The following HIVEP2 variants were observed in gnomAD, a reference collection of about 807,000 sequenced individuals.
HIVEP2 encodes the protein transcription factor HIVEP2.
HIVEP2 carries 14 observed loss-of-function variants against 180.7 expected under a neutral mutation model. The ratio of observed to expected loss-of-function variants is 0.08; its 90% CI spans 0.05 to 0.12. The LOEUF (loss-of-function observed/expected upper bound fraction) is 0.12, where lower values mean the gene tolerates loss of function less well. HIVEP2 is among the 10% of genes least tolerant of loss of function. The pLI is 1.00. For missense variants in HIVEP2, 2,579 were observed against 3,008.5 expected, an observed-to-expected ratio of 0.86 and a Z score of 3.34; for synonymous variants, 1,184 against 1,136.4, an observed-to-expected ratio of 1.04 and a Z score of -0.84.
chr6:142,752,006 C>T lies in HIVEP2; in HGVS notation c.*1101G>A, dbSNP rs1338872610. 1.3e-5 allele frequency: 2 copies of T among 152,690 alleles called. No homozygotes were observed. The highest frequency in any genetic ancestry group is 4.8e-5 in the African/African-American group (2 of 41,440). The allele number at this position is 152,690 out of a possible 1,614,324, so 9.5% of individuals were successfully genotyped here. On this transcript the variant is annotated 3_prime_UTR_variant, in exon 10 of 10. Coordinates refer to ENST00000367603, the MANE Select transcript of HIVEP2 (RefSeq NM_006734.4). The stretch of plus-strand genomic sequence containing the variant: ...TGTGTAGCAAGAACTAAGGAGATTG[C>T]TAAGCCCAGGTCTTCTCCATGAGCA...
chr6:142,753,974 A>G, intron 9 of HIVEP2, 43 bp from the exon 10 acceptor site: 1 of 1,048,490 alleles, frequency 9.5e-7, no homozygotes, highest in East Asian at 2.4e-5. Flanking sequence ...AGAGCCTGCT[A>G]CGCTTCATTC....
intron 1 of HIVEP2, among the ~76,000 whole-genome samples, chr6:142,928,353 A>C (rs1414550335): frequency 6.6e-6 from 1 of 152,242 alleles, no homozygotes; most frequent in Admixed American, 6.5e-5. Flanking sequence ...ATTAATCTTA[A>C]GAATTGGCAC....
intron 2 of HIVEP2, among the ~76,000 whole-genome samples, chr6:142,815,939 C>A (rs1207529247): frequency 6.6e-6 from 1 of 152,168 alleles, no homozygotes; most frequent in African/African-American, 2.4e-5. Flanking sequence ...TGATAACATA[C>A]CAAGTTCTTG....
At chr6:142,835,872 C>T (rs1267299588) in intron 2 of HIVEP2, among the ~76,000 whole-genome samples, 1 of 152,138 alleles carries the variant, frequency 6.6e-6, no homozygotes, top group Admixed American at 6.5e-5. Context: ...GTTGGCACTA[C>T]ATAAACTACA....
intron 2 of HIVEP2, among the ~76,000 whole-genome samples, chr6:142,820,667 T>C (rs1325297662): frequency 1.3e-5 from 2 of 151,974 alleles, no homozygotes; most frequent in Non-Finnish European, 2.9e-5. Flanking sequence ...CTTTTTCTAT[T>C]TTTTTTTCAC....
chr6:142,755,524 G>A (rs961373455), intron 9 of HIVEP2, among the ~76,000 whole-genome samples: 3 of 152,106 alleles, frequency 2.0e-5, no homozygotes, highest in African/African-American at 7.2e-5. Flanking sequence ...TTATTTTTCT[G>A]TTTTACTTCT....
At chr6:142,935,196 A>G (rs907023473) in intron 1 of HIVEP2, among the ~76,000 whole-genome samples, 4 of 152,362 alleles carry the variant, frequency 2.6e-5, no homozygotes, top group Middle Eastern at 6.8e-3. Flanking sequence ...GGATGGACAC[A>G]TGGAGGCACT....
At chr6:142,787,126 C>T (rs1278172568) in intron 2 of HIVEP2, among the ~76,000 whole-genome samples, 1 of 151,900 alleles carries the variant, frequency 6.6e-6, no homozygotes, top group Non-Finnish European at 1.5e-5. Context: ...TGTGGTGGTG[C>T]ACATCTGTAG....
intron 1 of HIVEP2, among the ~76,000 whole-genome samples, chr6:142,863,432 A>C (rs963564912): frequency 6.6e-5 from 10 of 152,196 alleles, no homozygotes; most frequent in African/African-American, 2.4e-4. Context: ...AACTTCTTTA[A>C]ATTACTAATG....
At chr6:142,938,300 T>C (rs975638549) in intron 1 of HIVEP2, among the ~76,000 whole-genome samples, 1 of 152,222 alleles carries the variant, frequency 6.6e-6, no homozygotes, top group Non-Finnish European at 1.5e-5. Flanking sequence ...TTAAGCAGTA[T>C]AAAATAACCT....
At chr6:142,902,923 A>G (rs952929799) in intron 1 of HIVEP2, among the ~76,000 whole-genome samples, 1 of 152,216 alleles carries the variant, frequency 6.6e-6, no homozygotes, top group Non-Finnish European at 1.5e-5. Context: ...AACATTTGTG[A>G]TGAAACAGGA....
At position 142,879,086 on chromosome 6, in the gene HIVEP2, G is replaced by A. The variant is rs969470084; in HGVS notation, c.-640-42039C>T. 2.0e-5 allele frequency among the ~76,000 whole-genome samples: 3 copies of A among 152,110 alleles called. No homozygotes were observed. In the East Asian group the frequency reaches 5.8e-4, roughly 29 times the overall value. On this transcript the variant is annotated intron_variant, in intron 1 of 9. Transcript: ENST00000367603. ...GAATTCAATGAGATTATGTGTGTAA[G>A]AGTCATTGGTAAATTACGAAAGCCG... is the stretch of plus-strand genomic sequence containing the variant.
chr6:142,759,998 C>A lies in HIVEP2; in HGVS notation c.6290G>T (p.Arg2097Ile). The A allele has an allele frequency of 6.2e-7, 1 of 1,614,042 alleles. No homozygotes were observed. The highest frequency in any genetic ancestry group is 8.5e-7 in the Non-Finnish European group (1 of 1,179,970). Reference protein sequence around the residue: ...HLSPRKEAALRREMSQRDVSP... With the variant: ...HLSPRKEAALIREMSQRDVSP... ...AACATCTCTTTGGGACATCTCTCTT[C>A]TCAATGCAGCTTCCTTTCTTGGTGA... is the stretch of plus-strand genomic sequence containing the variant. Residue 2097 changes from arginine (R) to isoleucine (I), a missense_variant, in exon 9 of 10, where the codon AGA becomes ATA. By Grantham distance (97) the Arg-to-Ile change is moderately conservative (BLOSUM62 -3). Coordinates refer to ENST00000367603, the MANE Select transcript of HIVEP2 (RefSeq NM_006734.4).
intron 1 of HIVEP2, among the ~76,000 whole-genome samples, chr6:142,867,016 T>C (rs1470978390): frequency 6.6e-6 from 1 of 152,172 alleles, no homozygotes; most frequent in African/African-American, 2.4e-5. Flanking sequence ...ATAAGAAATC[T>C]TAGGTAGAGA....
intron 2 of HIVEP2, among the ~76,000 whole-genome samples, chr6:142,799,280 A>T (rs1776351596): frequency 6.6e-6 from 1 of 152,200 alleles, no homozygotes; most frequent in South Asian, 2.1e-4. Context: ...TGTCATAATG[A>T]CTAGCCATTA....
At chr6:142,862,428 C>T (rs556568692) in intron 1 of HIVEP2, among the ~76,000 whole-genome samples, 5 of 112,838 alleles carry the variant, frequency 4.4e-5, no homozygotes, top group East Asian at 2.7e-4. Context: ...TTACATGTAT[C>T]ATATATTTTA....
Position 142,759,939 on chromosome 6 carries a change from C to A in HIVEP2, c.6349G>T (p.Val2117Leu). 6.2e-7 allele frequency: 1 copy of A among 1,613,974 alleles called. No homozygotes were observed. The highest frequency in any genetic ancestry group is 8.5e-7 in the Non-Finnish European group (1 of 1,179,858). Residue 2117 changes from valine to leucine, a missense_variant, in exon 9 of 10, where the codon GTG becomes TTG. Val to Leu is a conservative substitution (Grantham distance 32, BLOSUM62 1). Coordinates refer to ENST00000367603, the MANE Select transcript of HIVEP2 (RefSeq NM_006734.4). ...PRRHLSPRRPVSPGKDITARR... is the reference protein window; with the variant it reads ...PRRHLSPRRPLSPGKDITARR... ...GCTGTGATATCTTTCCCAGGAGACA[C>A]TGGCCTCCTTGGAGACAAATGCCTT...
intron 3 of HIVEP2, among the ~76,000 whole-genome samples, chr6:142,783,109 G>A (rs1416916352): frequency 6.6e-6 from 1 of 151,850 alleles, no homozygotes; most frequent in African/African-American, 2.4e-5. Context: ...ACTTTGGGAG[G>A]CCGAGGTCAA....
intron 1 of HIVEP2, among the ~76,000 whole-genome samples, chr6:142,869,133 T>C (rs1457430186): frequency 6.6e-6 from 1 of 152,208 alleles, no homozygotes; most frequent in Non-Finnish European, 1.5e-5. Context: ...CCAGGAATGC[T>C]GCTAAACATT....
Sources: gnomAD v4.1 joint callset for allele counts (sites outside exome capture counted in the v4.1 genomes callset) on GRCh38, gnomAD v4.1.1 for gene constraint, MANE v1.5 for transcripts, NCBI Gene and HGNC (gene_info 2026-07-23, HGNC 2026-07-21) for gene names.